LY75: variants seen among roughly 807,000 people sequenced by gnomAD.
LY75 encodes the protein lymphocyte antigen 75.
In LY75, 185 loss-of-function variants were observed where a neutral mutation model predicts 231.7. The ratio of observed to expected loss-of-function variants is 0.80; its 90% confidence interval spans 0.71 to 0.90. The LOEUF is 0.90. LY75 is among the 40% of genes least tolerant of loss of function. The pLI is 0.00. For synonymous variants in LY75, 668 were observed against 689.0 expected (o/e 0.97, Z 0.48); for missense variants, 1,947 against 2,050.2 (o/e 0.95, Z 0.97).
In LY75 at chr2:159,840,724, C is replaced by G. The variant is rs761882139; in HGVS notation, c.3507+5G>C. On this transcript the variant is annotated splice_donor_5th_base_variant and intron_variant, in intron 25 of 34. Coordinates refer to ENST00000263636, the MANE Select transcript of LY75 (RefSeq NM_002349.4). ...CAGTCCTGGCAGTTGGGACTGAACA[C>G]TTACATCTTGACTGAAGAGTCCGAT... The G allele has an allele frequency of 1.2e-6, 2 of 1,613,862 alleles. No individual in the cohort carries two copies. Among genetic ancestry groups the G allele is most frequent in the Non-Finnish European group, 1.7e-6 (2 of 1,179,928 alleles).
rs142338826 is a variant in LY75 at position 159,840,734 on chromosome 2, G to C, written c.3502C>G (p.Gln1168Glu). 3.0e-5 allele frequency: 48 copies of C among 1,613,958 alleles called. No homozygotes were observed. In the Middle Eastern group the frequency reaches 8.3e-4, roughly 28 times the overall value. The stretch of plus-strand genomic sequence containing the variant: ...AGTTGGGACTGAACACTTACATCTT[G>C]ACTGAAGAGTCCGATCCATAAGGAA... ...NSSLWIGLFS[Q>E]DDELNFGWSD... is the part of the protein sequence containing the mutation. The change falls in exon 25 of 35, where the codon CAA becomes GAA. Residue 1168 changes from glutamine to glutamate, a missense_variant. Coordinates refer to ENST00000263636, the MANE Select transcript of LY75 (RefSeq NM_002349.4).
At position 159,887,027 on chromosome 2, in the gene LY75, C is replaced by T. The variant is rs192571204; in HGVS notation, c.803-497G>A. 5.1e-3 allele frequency among the ~76,000 whole-genome samples: 778 copies of T among 151,436 alleles called. 8 individuals carry two copies. Among genetic ancestry groups the T allele is most frequent in the South Asian group, 0.029 (137 of 4,796 alleles). ...AGAATTTCAATCTAGTAGAAGGAGACAGACATGGATCCCCATATGATCAAG... is the reference window on the plus strand; with the variant it reads ...AGAATTTCAATCTAGTAGAAGGAGATAGACATGGATCCCCATATGATCAAG... On this transcript the variant is annotated intron_variant, in intron 4 of 34. Transcript: ENST00000263636.
At chr2:159,835,408 C>A in intron 26 of LY75, 72 bp downstream of exon 26, 2 of 1,401,196 alleles carry the variant, frequency 1.4e-6, no homozygotes, top group Non-Finnish European at 1.9e-6. Context: ...TTTATAAAAC[C>A]ACTCCTCAGA....
chr2:159,858,618 T>C (rs1373528508), intron 15 of LY75, 142 bp from the exon 16 acceptor site: 2 of 950,418 alleles, frequency 2.1e-6, no homozygotes, highest in Non-Finnish European at 2.9e-6. Flanking sequence ...CATGAATTAA[T>C]GGAATATTTA....
At position 159,898,746 on chromosome 2, in the gene LY75, T is replaced by C. The variant is rs369714464; in HGVS notation, c.408A>G (p.Ala136=). 16 of 1,614,040 alleles carry C rather than the reference T, an allele frequency of 9.9e-6. No individual in the cohort carries two copies. The highest frequency in any genetic ancestry group is 1.3e-5 in the African/African-American group (1 of 74,948). ...AGCCTCCTTTCTTCCAGACATCAGA[T>C]GCATTTGAGATTGCTGTGCCATGTC... ...KDGHGTAISN[A]SDVWKKGGSE... is the part of the protein sequence containing the mutation. The change falls in exon 2 of 35, where the codon GCA becomes GCG. Residue 136 remains alanine, a synonymous_variant. Coordinates refer to ENST00000263636, the MANE Select transcript of LY75 (RefSeq NM_002349.4).
chr2:159,874,627 GTAAATATATGTAA>G (rs1685171262), intron 12 of LY75, among the ~76,000 whole-genome samples: 4 of 5,040 alleles, frequency 7.9e-4, no homozygotes, highest in African/African-American at 1.1e-3. Flanking sequence ...TATATATATA[GTAAATATATGTAA>G]ATATATATAT....
At chr2:159,833,599 C>T (rs1044528298) in intron 27 of LY75, among the ~76,000 whole-genome samples, 1 of 151,990 alleles carries the variant, frequency 6.6e-6, no homozygotes, top group African/African-American at 2.4e-5. Context: ...GTTACTAGTG[C>T]TAATTAGAAA....
At chr2:159,815,615 G>T in intron 30 of LY75, 42 bp from the exon 31 acceptor site, 2 of 1,580,392 alleles carry the variant, frequency 1.3e-6, no homozygotes, top group South Asian at 2.4e-5. Flanking sequence ...CCAGATGTTT[G>T]ACTTCAAAAA....
At position 159,898,936 on chromosome 2, in the gene LY75, T is replaced by C; in HGVS notation, c.218A>G (p.His73Arg). The C allele has an allele frequency of 2.5e-6, 4 of 1,614,260 alleles. No individual in the cohort carries two copies. Among genetic ancestry groups the C allele is most frequent in the Admixed American group, 1.7e-5 (1 of 60,028 alleles). The change falls in exon 2 of 35, where the codon CAT becomes CGT. Residue 73 changes from histidine (H) to arginine (R), a missense_variant. His to Arg is a conservative substitution (Grantham distance 29). Transcript: ENST00000263636. ...TTGGGAGTGCAAATGAAAGAGCCGA[T>C]GCTGGGACACCCACTTCCATAACTT... is the stretch of plus-strand genomic sequence containing the variant. ...EDKLWKWVSQ[H>R]RLFHLHSQKC...
At chr2:159,841,001 C>T (rs1209472007) in intron 24 of LY75, 46 bp from the exon 25 acceptor site, 3 of 1,598,510 alleles carry the variant, frequency 1.9e-6, no homozygotes, top group African/African-American at 2.7e-5. Context: ...CTTCCCCACA[C>T]TCTGCAAGTT....
intron 31 of LY75, among the ~76,000 whole-genome samples, chr2:159,814,850 T>C (rs1001087036): frequency 6.6e-6 from 1 of 152,026 alleles, no homozygotes; most frequent in African/African-American, 2.4e-5. Context: ...TAAGTGAAAT[T>C]AGAATTCACA....
chr2:159,852,262 T>C lies in LY75; in HGVS notation c.2822A>G (p.Tyr941Cys), dbSNP rs145439774. 8.1e-6 allele frequency: 13 copies of C among 1,614,126 alleles called. No homozygotes were observed. Among genetic ancestry groups the C allele is most frequent in the Non-Finnish European group, 9.3e-6 (11 of 1,179,996 alleles). ...CACTTTAGCTGCAGAATCTGGGCTGTATTTCTCTAACGAAGAAACATTATA... is the reference window on the plus strand; with the variant it reads ...CACTTTAGCTGCAGAATCTGGGCTGCATTTCTCTAACGAAGAAACATTATA... The part of the protein sequence containing the change: ...EKYNVSSLEK[Y>C]SPDSAAKVQC... Residue 941 changes from tyrosine to cysteine, a missense_variant, in exon 21 of 35, where the codon TAC (tyrosine) becomes TGC (cysteine). Physicochemically the swap from Tyr to Cys is radical, Grantham distance 194. Coordinates refer to ENST00000263636, the MANE Select transcript of LY75 (RefSeq NM_002349.4).
intron 31 of LY75, 63 bp downstream of exon 31, chr2:159,815,342 A>C: frequency 6.6e-7 from 1 of 1,514,006 alleles, no homozygotes; most frequent in Non-Finnish European, 8.8e-7. Context: ...CTGAGCTTTT[A>C]ATTATGTGCA....
At chr2:159,897,867 C>T (rs1685947295) in intron 2 of LY75, among the ~76,000 whole-genome samples, 1 of 152,136 alleles carries the variant, frequency 6.6e-6, no homozygotes, top group African/African-American at 2.4e-5. Context: ...AAATTAGTTG[C>T]AATCCAGTCC....
chr2:159,875,857 C>G (rs1685252164), intron 11 of LY75, among the ~76,000 whole-genome samples: 1 of 151,808 alleles, frequency 6.6e-6, no homozygotes, highest in Admixed American at 6.6e-5. Flanking sequence ...CATAACAAAC[C>G]TATGGGGGGA....
chr2:159,874,574 G>GTAAATATATATAAATA (rs1560093701), intron 12 of LY75, among the ~76,000 whole-genome samples: 5,942 of 9,278 alleles, frequency 0.64, 2,627 homozygotes, highest in Non-Finnish European at 0.75. Context: ...ATATAAATAT[G>GTAAATATATATAAATA]TACATATTTT....
chr2:159,873,918 A>T (rs1685097686), intron 12 of LY75, among the ~76,000 whole-genome samples: 1 of 16,914 alleles, frequency 5.9e-5, no homozygotes, highest in Non-Finnish European at 1.2e-4. Context: ...AAACGTATAT[A>T]TTTTGTAAAA....
At chr2:159,891,409 A>G (rs1560104170) in intron 3 of LY75, among the ~76,000 whole-genome samples, 1 of 152,120 alleles carries the variant, frequency 6.6e-6, no homozygotes, top group Non-Finnish European at 1.5e-5. Context: ...TAAAAACAAA[A>G]TAGGGTGGAT....
rs1289055717 is a variant in LY75 at position 159,810,561 on chromosome 2, C to T, written c.4664G>A (p.Ser1555Asn). 1.2e-6 allele frequency: 2 copies of T among 1,613,518 alleles called. No individual in the cohort carries two copies. The highest frequency in any genetic ancestry group is 2.2e-5 in the East Asian group (1 of 44,880). ...ACACAATTTTTTGGCCTCTGAAAAA[C>T]TGTGCAATGCCTGATCAGACTTGTA... is the stretch of plus-strand genomic sequence containing the variant. ...HCYKSDQALH[S>N]FSEAKKLCSK... Residue 1555 changes from serine to asparagine, a missense_variant, in exon 32 of 35, where the codon AGT (serine) becomes AAT (asparagine). By Grantham distance (46) the Ser-to-Asn change is conservative. Transcript: ENST00000263636.
Sources: allele counts gnomAD v4.1 joint callset (sites outside exome capture counted in the v4.1 genomes callset), GRCh38; gene constraint gnomAD v4.1.1; transcripts MANE v1.5; gene names NCBI Gene and HGNC (gene_info 2026-07-23, HGNC 2026-07-21).